The following EPHA6 variants were observed in gnomAD, a reference collection of about 807,000 sequenced individuals.
The protein encoded by EPHA6 is ephrin type-A receptor 6.
A neutral mutation model predicts 112.0 loss-of-function variants in EPHA6; 50 were observed. That is an observed-to-expected ratio of 0.45 (90% CI 0.36 to 0.56). EPHA6 has a LOEUF of 0.56. Ranked by LOEUF, EPHA6 falls within the 20% of genes least tolerant of loss-of-function variation. EPHA6 has a pLI of 0.00. For synonymous variants in EPHA6, 529 were observed against 490.7 expected, an observed-to-expected ratio of 1.08 and a Z score of -1.03; for missense variants, 1,280 against 1,417.4, an observed-to-expected ratio of 0.90 and a Z score of 1.56.
rs200882393 is a variant in EPHA6 at position 97,043,470 on chromosome 3, AAGAATAAGG to A, written c.1114+55478_1114+55486del. Among the ~76,000 whole-genome samples the A allele has an allele frequency of 9.1e-3, 1,392 of 152,300 alleles. 14 individuals are homozygous for A. Among genetic ancestry groups the A allele is most frequent in the Non-Finnish European group, 0.014 (958 of 68,016 alleles). ...ATCAGGAACCCTGGAAAACCTTGCCAAGAATAAGGGCATTTTCTATGCTGATGCTCTTTA... is the reference window on the plus strand; with the variant it reads ...ATCAGGAACCCTGGAAAACCTTGCCAGCATTTTCTATGCTGATGCTCTTTA... On this transcript the variant is annotated intron_variant, in intron 3 of 17. Transcript: ENST00000389672.
intron 3 of EPHA6, among the ~76,000 whole-genome samples, chr3:97,116,776 A>G (rs2047900177): frequency 6.6e-6 from 1 of 151,694 alleles, no homozygotes; most frequent in Admixed American, 6.6e-5. Context: ...GGATATTGTG[A>G]ATAGTGCTGT....
intron 3 of EPHA6, among the ~76,000 whole-genome samples, chr3:97,148,560 A>G (rs1343767747): frequency 6.6e-6 from 1 of 152,096 alleles, no homozygotes; most frequent in African/African-American, 2.4e-5. Flanking sequence ...GCTACTTGCT[A>G]TAATATTGGT....
intron 14 of EPHA6, among the ~76,000 whole-genome samples, chr3:97,668,730 A>G (rs1369484365): frequency 1.3e-5 from 2 of 151,778 alleles, no homozygotes; most frequent in African/African-American, 4.8e-5. Flanking sequence ...CCTGGGCAAC[A>G]TGGCAAAAAC....
At chr3:97,296,970 T>C (rs1300207029) in intron 5 of EPHA6, among the ~76,000 whole-genome samples, 1 of 152,186 alleles carries the variant, frequency 6.6e-6, no homozygotes, top group Non-Finnish European at 1.5e-5. Context: ...CAGAGAAGAA[T>C]GCAGTCTGGT....
intron 11 of EPHA6, among the ~76,000 whole-genome samples, chr3:97,567,783 C>G (rs2093286435): frequency 6.6e-6 from 1 of 152,116 alleles, no homozygotes; most frequent in South Asian, 2.1e-4. Context: ...CTTTATTATA[C>G]TCACAGGTCC....
chr3:97,107,030 C>T (rs2047590250), intron 3 of EPHA6, among the ~76,000 whole-genome samples: 1 of 151,980 alleles, frequency 6.6e-6, no homozygotes, highest in South Asian at 2.1e-4. Flanking sequence ...ATCTTCCAAT[C>T]GGCCAGGATC....
intron 3 of EPHA6, among the ~76,000 whole-genome samples, chr3:97,215,959 G>A (rs1034877636): frequency 6.6e-6 from 1 of 152,026 alleles, no homozygotes; most frequent in African/African-American, 2.4e-5. Context: ...TCACTAACAG[G>A]AATAAGGGTA....
At chr3:97,607,203 CA>C (rs2093686542) in intron 12 of EPHA6, among the ~76,000 whole-genome samples, 1 of 126,536 alleles carries the variant, frequency 7.9e-6, no homozygotes, top group African/African-American at 3.0e-5. Flanking sequence ...AAAAAAAACA[CA>C]AAAAGATTTC....
At chr3:97,214,149 A>T (rs2077965894) in intron 3 of EPHA6, among the ~76,000 whole-genome samples, 1 of 151,500 alleles carries the variant, frequency 6.6e-6, no homozygotes, top group Non-Finnish European at 1.5e-5. Flanking sequence ...AGTGATTCTC[A>T]TGCCTCAGCC....
intron 3 of EPHA6, among the ~76,000 whole-genome samples, chr3:97,163,059 C>T (rs1559766366): frequency 6.6e-6 from 1 of 151,978 alleles, no homozygotes; most frequent in Non-Finnish European, 1.5e-5. Flanking sequence ...CCACAGTTTC[C>T]ACTGTAAGGT....
At chr3:97,025,109 C>G (rs926155720) in intron 3 of EPHA6, among the ~76,000 whole-genome samples, 2 of 152,068 alleles carry the variant, frequency 1.3e-5, no homozygotes, top group African/African-American at 4.8e-5. Context: ...TGTTCAAGCA[C>G]TACAATATAG....
At chr3:97,315,090 T>A (rs1020832521) in intron 5 of EPHA6, among the ~76,000 whole-genome samples, 1 of 150,666 alleles carries the variant, frequency 6.6e-6, no homozygotes, top group Non-Finnish European at 1.5e-5. Flanking sequence ...GAAAAAAAAG[T>A]TCTCTCTGCA....
chr3:97,742,643 A>T (rs1019133037), intron 16 of EPHA6, among the ~76,000 whole-genome samples: 1 of 152,144 alleles, frequency 6.6e-6, no homozygotes, highest in Admixed American at 6.6e-5. Flanking sequence ...AAACAAATAT[A>T]TATTACCCAC....
At chr3:96,976,195 A>G (rs1326019597) in intron 2 of EPHA6, among the ~76,000 whole-genome samples, 1 of 152,164 alleles carries the variant, frequency 6.6e-6, no homozygotes, top group Non-Finnish European at 1.5e-5. Flanking sequence ...AAAGTTGTCT[A>G]AAAGTGTATG....
At chr3:97,122,787 C>A (rs2048076971) in intron 3 of EPHA6, among the ~76,000 whole-genome samples, 1 of 151,724 alleles carries the variant, frequency 6.6e-6, no homozygotes, top group Non-Finnish European at 1.5e-5. Context: ...AAATCCATAA[C>A]CTAATTATAT....
At chr3:96,957,678 A>C (rs2041811679) in intron 2 of EPHA6, among the ~76,000 whole-genome samples, 1 of 152,196 alleles carries the variant, frequency 6.6e-6, no homozygotes, top group South Asian at 2.1e-4. Flanking sequence ...GTGGGCTAGG[A>C]AAAGTAATAA....
At chr3:96,963,077 G>T (rs1310623018) in intron 2 of EPHA6, among the ~76,000 whole-genome samples, 1 of 150,552 alleles carries the variant, frequency 6.6e-6, no homozygotes, top group Non-Finnish European at 1.5e-5. Flanking sequence ...TTGGAGAATC[G>T]CTTGAGCTCA....
rs9853231 is a variant in EPHA6, at chr3:97,677,594, G to T, written c.2784+39512G>T. Among the ~76,000 whole-genome samples the T allele has an allele frequency of 3.9e-5, 6 of 152,140 alleles. No individual in the cohort carries two copies. In the East Asian group the frequency reaches 7.7e-4, roughly 20 times the overall value. ...AAATTAGCCAGGCATGGTGGCAGGCGCCTGTAATCCCAGCTATTTGGGTGG... is the reference window on the plus strand; with the variant it reads ...AAATTAGCCAGGCATGGTGGCAGGCTCCTGTAATCCCAGCTATTTGGGTGG... On this transcript the variant is annotated intron_variant, in intron 14 of 17. Coordinates refer to ENST00000389672, the MANE Select transcript of EPHA6 (RefSeq NM_001080448.3).
chr3:97,552,561 C>T (rs1475444111), intron 11 of EPHA6, among the ~76,000 whole-genome samples: 1 of 152,148 alleles, frequency 6.6e-6, no homozygotes, highest in Non-Finnish European at 1.5e-5. Context: ...AAATAGGCAA[C>T]ATCTCTCTTT....
Sources: gnomAD v4.1 joint callset for allele counts (sites outside exome capture counted in the v4.1 genomes callset) on GRCh38, gnomAD v4.1.1 for gene constraint, MANE v1.5 for transcripts, NCBI Gene and HGNC (gene_info 2026-07-23, HGNC 2026-07-21) for gene names.